Variants in SLC16A10 observed in about 807,000 individuals in gnomAD.
The protein encoded by SLC16A10 is monocarboxylate transporter 10.
In SLC16A10, 27 loss-of-function variants were observed where a neutral mutation model predicts 40.0. The ratio of observed to expected loss-of-function variants is 0.67; its 90% CI spans 0.50 to 0.93. SLC16A10 has a LOEUF of 0.93. Ranked by LOEUF, SLC16A10 falls within the 40% of genes least tolerant of loss-of-function variation. The pLI, the probability that SLC16A10 is intolerant of heterozygous loss-of-function variation, is 0.00. For synonymous variants in SLC16A10, 213 were observed against 249.8 expected, an observed-to-expected ratio of 0.85 and a Z score of 1.39; for missense variants, 529 against 658.2, an observed-to-expected ratio of 0.80 and a Z score of 2.15.
Position 111,222,301 on chromosome 6 carries a change from A to G in SLC16A10, c.*66A>G. 1 of 1,516,896 alleles carries G rather than the reference A, an allele frequency of 6.6e-7. No individual in the cohort carries two copies. Among genetic ancestry groups the G allele is most frequent in the Non-Finnish European group, 8.7e-7 (1 of 1,145,252 alleles). The allele number at this position is 1,516,896 out of a possible 1,614,324, so 94.0% of individuals were successfully genotyped here. On this transcript the variant is annotated 3_prime_UTR_variant, in exon 6 of 6. Coordinates refer to ENST00000368851, the MANE Select transcript of SLC16A10 (RefSeq NM_018593.5). ...TTTTAAGCAAGTTTCCTTTCCTTTT[A>G]TACAAATTGCAAATTTCATATTTTT...
At chr6:111,124,696 T>G (rs2114479567) in intron 1 of SLC16A10, among the ~76,000 whole-genome samples, 1 of 152,342 alleles carries the variant, frequency 6.6e-6, no homozygotes, top group African/African-American at 2.4e-5. Context: ...TCTCAAAATT[T>G]TATTCTGGCT....
chr6:111,116,448 C>T (rs184550628), intron 1 of SLC16A10, among the ~76,000 whole-genome samples: 12 of 151,988 alleles, frequency 7.9e-5, no homozygotes, highest in Admixed American at 4.6e-4. Flanking sequence ...GAACTCCTGA[C>T]CTCAGGTGAT....
chr6:111,211,044 TG>T (rs1773339353), intron 4 of SLC16A10, among the ~76,000 whole-genome samples: 1 of 146,590 alleles, frequency 6.8e-6, no homozygotes, highest in South Asian at 2.2e-4. Context: ...AAAAAAGTAG[TG>T]GACCTTTGTT....
chr6:111,088,122 G>A, intron 1 of SLC16A10, 27 bp downstream of exon 1: 2 of 1,585,186 alleles, frequency 1.3e-6, no homozygotes, highest in Non-Finnish European at 1.7e-6. Context: ...GCCGAGGCCA[G>A]CCTGGGCGAC....
chr6:111,101,645 CAG>C (rs1222670995), intron 1 of SLC16A10, among the ~76,000 whole-genome samples: 1 of 151,960 alleles, frequency 6.6e-6, no homozygotes, highest in Non-Finnish European at 1.5e-5. Flanking sequence ...TTTTTTGAGA[CAG>C]AGTCTTGCTG....
At chr6:111,173,286 C>G (rs1280993242) in intron 2 of SLC16A10, among the ~76,000 whole-genome samples, 4 of 152,160 alleles carry the variant, frequency 2.6e-5, no homozygotes, top group Non-Finnish European at 5.9e-5. Flanking sequence ...GAGACCAAAA[C>G]TTTGCCATTT....
chr6:111,140,410 C>T (rs1164298599), intron 1 of SLC16A10, among the ~76,000 whole-genome samples: 2 of 151,966 alleles, frequency 1.3e-5, no homozygotes, highest in African/African-American at 4.8e-5. Flanking sequence ...CTGCAGTGAG[C>T]TGTGATCATG....
At chr6:111,220,107 G>A (rs1175217566) in intron 5 of SLC16A10, among the ~76,000 whole-genome samples, 3 of 152,080 alleles carry the variant, frequency 2.0e-5, no homozygotes, top group Non-Finnish European at 2.9e-5. Context: ...GTCATATATC[G>A]TATGATTTAT....
chr6:111,138,525 A>C (rs1771922169), intron 1 of SLC16A10, among the ~76,000 whole-genome samples: 1 of 152,224 alleles, frequency 6.6e-6, no homozygotes, highest in South Asian at 2.1e-4. Context: ...TAATATTTGT[A>C]AACCTCAGCT....
rs1045608007 is a variant in SLC16A10, at chr6:111,230,656, T to C, written c.*8421T>C. 7.2e-5 allele frequency: 11 copies of C among 152,234 alleles called. No individual in the cohort carries two copies. The highest frequency in any genetic ancestry group is 1.3e-4 in the Admixed American group (2 of 15,280). 9.4% of individuals were successfully genotyped at this position (152,234 alleles called of 1,614,324 possible). A position where few individuals can be genotyped will look rare whatever the true frequency, so the allele number is the denominator to read the frequency against. ...CTTTTGTTCTTCCACCAGTTTATTTTAGCCTTAAAGTTATAGCTACAACAA... is the reference window on the plus strand; with the variant it reads ...CTTTTGTTCTTCCACCAGTTTATTTCAGCCTTAAAGTTATAGCTACAACAA... On this transcript the variant is annotated 3_prime_UTR_variant, in exon 6 of 6. Coordinates refer to ENST00000368851, the MANE Select transcript of SLC16A10 (RefSeq NM_018593.5).
intron 1 of SLC16A10, among the ~76,000 whole-genome samples, chr6:111,133,864 C>T (rs1423981143): frequency 1.3e-5 from 2 of 152,168 alleles, no homozygotes; most frequent in Non-Finnish European, 2.9e-5. Context: ...TCGGCCCAGC[C>T]AGAGTGCATG....
intron 1 of SLC16A10, among the ~76,000 whole-genome samples, chr6:111,121,521 A>G (rs779362084): frequency 1.3e-5 from 2 of 152,254 alleles, no homozygotes; most frequent in African/African-American, 2.4e-5. Flanking sequence ...TGATTATGCC[A>G]CTGCACCCCA....
chr6:111,188,111 A>G (rs1184468077), intron 3 of SLC16A10, among the ~76,000 whole-genome samples: 4 of 152,166 alleles, frequency 2.6e-5, no homozygotes, highest in Non-Finnish European at 4.4e-5. Context: ...TATTTATTTA[A>G]AATGGAGTTA....
intron 4 of SLC16A10, among the ~76,000 whole-genome samples, chr6:111,214,559 CA>C (rs1773392263): frequency 6.6e-6 from 1 of 152,206 alleles, no homozygotes; most frequent in South Asian, 2.1e-4. Flanking sequence ...CTTACCTCCA[CA>C]TTTAGCCAGA....
intron 1 of SLC16A10, among the ~76,000 whole-genome samples, chr6:111,143,844 C>T (rs1772027306): frequency 6.6e-6 from 1 of 152,080 alleles, no homozygotes; most frequent in Non-Finnish European, 1.5e-5. Flanking sequence ...GACTTTGGGG[C>T]TGGGCATGGT....
At chr6:111,137,035 C>G (rs1771891971) in intron 1 of SLC16A10, among the ~76,000 whole-genome samples, 1 of 152,176 alleles carries the variant, frequency 6.6e-6, no homozygotes, top group Non-Finnish European at 1.5e-5. Flanking sequence ...AAGTGGCAGT[C>G]TTACACTGCT....
At chr6:111,109,308 A>G (rs1432529847) in intron 1 of SLC16A10, among the ~76,000 whole-genome samples, 4 of 152,142 alleles carry the variant, frequency 2.6e-5, no homozygotes, top group African/African-American at 9.7e-5. Context: ...CTAAAATTTT[A>G]TATGAATGGA....
At chr6:111,118,714 A>G (rs1771533280) in intron 1 of SLC16A10, among the ~76,000 whole-genome samples, 1 of 150,494 alleles carries the variant, frequency 6.6e-6, no homozygotes, top group Admixed American at 6.6e-5. Context: ...GAATTATCTC[A>G]GGTTTTATAT....
Position 111,169,919 on chromosome 6 carries a change from C to CTTTTTTTTTTTTTTTTTT in SLC16A10, c.344-2761_344-2760insTTTTTTTTTTTTTTTTTT, listed in dbSNP as rs60561269. ...GGTTTTGTTTTCTTTTCTTTTCTTT[C>CTTTTTTTTTTTTTTTTTT]TTTTTTTTTTTTTTTGAGACAGAAT... On this transcript the variant is annotated intron_variant, in intron 1 of 5. Coordinates refer to ENST00000368851, the MANE Select transcript of SLC16A10 (RefSeq NM_018593.5). Among the ~76,000 whole-genome samples the CTTTTTTTTTTTTTTTTTT allele has an allele frequency of 3.0e-5, 4 of 135,114 alleles. 1 individual carries two copies. The highest frequency in any genetic ancestry group is 6.2e-5 in the Non-Finnish European group (4 of 64,440). 88.6% of individuals were successfully genotyped at this position (135,114 alleles called of 152,430 possible).
Sources: allele counts gnomAD v4.1 joint callset (sites outside exome capture counted in the v4.1 genomes callset), GRCh38; gene constraint gnomAD v4.1.1; transcripts MANE v1.5; gene names NCBI Gene and HGNC (gene_info 2026-07-23, HGNC 2026-07-21).